KDELR1: variants seen among roughly 807,000 people sequenced by gnomAD.
KDELR1 encodes KDEL endoplasmic reticulum protein retention receptor 1.
In KDELR1, 16 loss-of-function variants were observed where a neutral mutation model predicts 25.5. The observed-to-expected ratio is 0.63, with a 90% CI of 0.43 to 0.95. The LOEUF (loss-of-function observed/expected upper bound fraction) is 0.95. Ranked by LOEUF, KDELR1 falls within the 40% of genes least tolerant of loss-of-function variation. KDELR1 has a pLI of 0.00. For missense variants in KDELR1, 159 were observed against 265.2 expected (o/e 0.60, Z 2.78); for synonymous variants, 121 against 115.0 (o/e 1.05, Z -0.33).
chr19:48,393,580 C>T (rs1273278650), upstream of KDELR1, among the ~76,000 whole-genome samples: 5 of 152,094 alleles, frequency 3.3e-5, no homozygotes, highest in African/African-American at 4.8e-5. The surrounding 1 kb of genome is among the most constrained non-coding windows in gnomAD (Gnocchi z 5.6). Flanking sequence ...CCTCCCCAAG[C>T]CTGGCAGGAG....
chr19:48,388,323 A>T (rs1052579342), intron 3 of KDELR1, among the ~76,000 whole-genome samples: 1 of 152,174 alleles, frequency 6.6e-6, no homozygotes, highest in African/African-American at 2.4e-5. Context: ...CCTGATCACA[A>T]CTTTACAAAT....
chr19:48,394,038 A>G (rs1301645191), upstream of KDELR1, among the ~76,000 whole-genome samples: 1 of 151,982 alleles, frequency 6.6e-6, no homozygotes, highest in Non-Finnish European at 1.5e-5. The surrounding 1 kb of genome is among the most constrained non-coding windows in gnomAD (Gnocchi z 5.1). Context: ...CCCCAAACCC[A>G]GATGGATGGT....
At chr19:48,396,603 G>T in the KDELR1 span, among the ~76,000 whole-genome samples, 1 of 152,040 alleles carries the variant, frequency 6.6e-6, no homozygotes, top group African/African-American at 2.4e-5. Flanking sequence ...TTGGGGAAGG[G>T]CAATGGAAAG....
upstream of KDELR1, among the ~76,000 whole-genome samples, chr19:48,394,676 G>C (rs897894729): frequency 6.6e-6 from 1 of 152,184 alleles, no homozygotes; most frequent in African/African-American, 2.4e-5. This position sits in a 1 kb window ranked among gnomAD's most constrained non-coding sequence, Gnocchi z 5.1. Flanking sequence ...GTGTAGCCAC[G>C]TCCTCGCCTA....
At chr19:48,396,361 T>C (rs1480065433), upstream of KDELR1, among the ~76,000 whole-genome samples, 4 of 149,098 alleles carry the variant, frequency 2.7e-5, no homozygotes, top group African/African-American at 9.9e-5. Context: ...GTGAGAAGGG[T>C]GGGGCCGGGG....
upstream of KDELR1, among the ~76,000 whole-genome samples, chr19:48,392,863 C>T (rs1310597071): frequency 4.6e-5 from 7 of 152,134 alleles, no homozygotes; most frequent in East Asian, 3.9e-4. Context: ...TATAAAAGTG[C>T]CGGGCCCAGC....
At chr19:48,388,379 T>C (rs1345456632) in intron 3 of KDELR1, among the ~76,000 whole-genome samples, 1 of 152,154 alleles carries the variant, frequency 6.6e-6, no homozygotes, top group Non-Finnish European at 1.5e-5. Context: ...CACGGGATCA[T>C]GCTAATAGAA....
Position 48,389,665 on chromosome 19 carries a change from C to G in KDELR1, c.239G>C (p.Ser80Thr). 6.2e-7 allele frequency: 1 copy of G among 1,614,092 alleles called. No individual in the cohort carries two copies. Among genetic ancestry groups the G allele is most frequent in the South Asian group, 1.1e-5 (1 of 91,090 alleles). Residue 80 changes from serine to threonine, a missense_variant, in exon 3 of 5, where the codon AGC (serine) becomes ACC (threonine). Physicochemically the swap from Ser to Thr is moderately conservative, Grantham distance 58 (BLOSUM62 1). Transcript: ENST00000330720. The stretch of plus-strand genomic sequence containing the variant: ...CCCATCGTAAGTAGCTTTGAACTTG[C>G]TATAAATCAACCAGACCGTGGTGAA... ...CSFTTVWLIY[S>T]KFKATYDGNH... is the part of the protein sequence containing the mutation.
chr19:48,391,146 C>T, intron 1 of KDELR1, 122 bp downstream of exon 1: 3 of 825,102 alleles, frequency 3.6e-6, no homozygotes, highest in African/African-American at 1.7e-5. Context: ...AGAGAGATCC[C>T]CAGCAAGCAG....
In KDELR1 at chr19:48,384,516, G is replaced by A. The variant is rs756151956; in HGVS notation, c.352-34C>T. The A allele has an allele frequency of 2.5e-6, 4 of 1,601,686 alleles. No individual in the cohort carries two copies. Among genetic ancestry groups the A allele is most frequent in the Admixed American group, 1.7e-5 (1 of 58,430 alleles). On this transcript the variant is annotated intron_variant, in intron 3 of 4. Transcript: ENST00000330720. This position sits in a 1 kb window ranked among gnomAD's most constrained non-coding sequence, Gnocchi z 4.6. The stretch of plus-strand genomic sequence containing the variant: ...AGGCCGGGGACATGATGAGGTGGGA[G>A]GGGACAGGGCGGGAGAAAAGGCAGA...
chr19:48,392,312 A>G (rs1398927173), upstream of KDELR1, among the ~76,000 whole-genome samples: 116 of 136,120 alleles, frequency 8.5e-4, 1 homozygote, highest in African/African-American at 2.8e-3. Flanking sequence ...CAGACCCAGG[A>G]GTCCAGATCC....
chr19:48,396,777 C>T, the KDELR1 span, among the ~76,000 whole-genome samples: 11 of 151,966 alleles, frequency 7.2e-5, no homozygotes, highest in Admixed American at 2.0e-4. Context: ...ACCTTTCCCC[C>T]GCCCTGGCTG....
At chr19:48,397,239 A>G in the KDELR1 span, among the ~76,000 whole-genome samples, 1 of 152,192 alleles carries the variant, frequency 6.6e-6, no homozygotes, top group Admixed American at 6.5e-5. Context: ...GGTGAGGAGT[A>G]AGGTCATGTG....
rs1318472464 is a variant in KDELR1, at chr19:48,389,587, G to A, written c.317C>T (p.Ala106Val). 1.2e-6 allele frequency: 2 copies of A among 1,614,108 alleles called. No individual in the cohort carries two copies. The highest frequency in any genetic ancestry group is 1.7e-6 in the Non-Finnish European group (2 of 1,179,976). Reference sequence around the variant, plus strand: ...GGTGAAGTCATGATTGACCAGGAACGCCAGAATGGCTGTGGGAACGACCAG... The same window carrying A: ...GGTGAAGTCATGATTGACCAGGAACACCAGAATGGCTGTGGGAACGACCAG... The part of the protein sequence containing the change: ...EFLVVPTAIL[A>V]FLVNHDFTPL... The change falls in exon 3 of 5, where the codon GCG (alanine) becomes GTG (valine). Residue 106 changes from alanine to valine, a missense_variant. By Grantham distance (64) the Ala-to-Val change is moderately conservative. Transcript: ENST00000330720.
At chr19:48,388,705 GAAAGGAAGA>G (rs146404477) in intron 3 of KDELR1, among the ~76,000 whole-genome samples, 26,953 of 144,866 alleles carry the variant, frequency 0.19, 2,833 homozygotes, top group East Asian at 0.29. Flanking sequence ...AAAAAAGAAA[GAAAGGAAGA>G]AAAGGAAGAA....
At chr19:48,395,522 G>C (rs1970628495), upstream of KDELR1, among the ~76,000 whole-genome samples, 1 of 152,072 alleles carries the variant, frequency 6.6e-6, no homozygotes, top group Admixed American at 6.6e-5. Context: ...GGTGAGGGGG[G>C]AGGAAACGGG....
In KDELR1 at chr19:48,390,416, G is replaced by T; in HGVS notation, c.192+8C>A. The T allele has an allele frequency of 6.2e-7, 1 of 1,602,946 alleles. No individual in the cohort carries two copies. Among genetic ancestry groups the T allele is most frequent in the Non-Finnish European group, 8.5e-7 (1 of 1,170,068 alleles). On this transcript the variant is annotated splice_region_variant and intron_variant, in intron 2 of 4. Transcript: ENST00000330720. ...GTGGGGGCCAGAGAGGTGGGGTGGAGCCTCTACCTTCATACACGTGTTGTA... is the reference window on the plus strand; with the variant it reads ...GTGGGGGCCAGAGAGGTGGGGTGGATCCTCTACCTTCATACACGTGTTGTA...
intron 3 of KDELR1, among the ~76,000 whole-genome samples, chr19:48,385,853 G>A (rs533876170): frequency 1.6e-4 from 25 of 152,322 alleles, no homozygotes; most frequent in African/African-American, 5.8e-4. Context: ...GGTAGGTACT[G>A]TTGTCATTCC....
At position 48,389,538 on chromosome 19, in the gene KDELR1, C is replaced by T. The variant is rs761489283; in HGVS notation, c.351+15G>A. 3.1e-6 allele frequency: 5 copies of T among 1,613,854 alleles called. No homozygotes were observed. Among genetic ancestry groups the T allele is most frequent in the Non-Finnish European group, 4.2e-6 (5 of 1,179,906 alleles). On this transcript the variant is annotated intron_variant, in intron 3 of 4. Transcript: ENST00000330720. ...AACCATCCCCCCAAATAAGGAGTCA[C>T]AGCAAGGCGCCTACCTCCAGAGGGG...
Sources: allele counts gnomAD v4.1 joint callset (sites outside exome capture counted in the v4.1 genomes callset), GRCh38; gene constraint gnomAD v4.1.1; non-coding constraint Gnocchi (gnomAD v3.1); transcripts MANE v1.5; gene names NCBI Gene and HGNC (gene_info 2026-07-23, HGNC 2026-07-21).